The following MYO18B variants were observed in gnomAD, a reference collection of about 807,000 sequenced individuals.
MYO18B encodes the protein unconventional myosin-XVIIIb.
MYO18B carries 204 observed loss-of-function variants against 273.0 expected under a neutral mutation model. The observed-to-expected ratio is 0.75, with a 90% confidence interval of 0.67 to 0.84. MYO18B has a LOEUF of 0.84. Among genes scored for constraint, MYO18B ranks in the 40% least tolerant of loss-of-function variants. MYO18B has a pLI of 0.00. For missense variants in MYO18B, 3,212 were observed against 3,287.6 expected, an observed-to-expected ratio of 0.98 and a Z score of 0.56; for synonymous variants, 1,330 against 1,305.7, an observed-to-expected ratio of 1.02 and a Z score of -0.40.
intron 34 of MYO18B, among the ~76,000 whole-genome samples, chr22:25,934,150 T>A (rs1047544592): frequency 1.5e-4 from 23 of 152,260 alleles, no homozygotes; most frequent in African/African-American, 5.5e-4. Flanking sequence ...CTTATTTTTC[T>A]GTTGGGTTGT....
Position 25,997,978 on chromosome 22 carries a change from C to CGAGAGAGAGAGAGAGAGA in MYO18B, c.6288-5280_6288-5263dup, listed in dbSNP as rs5844669. Among the ~76,000 whole-genome samples the CGAGAGAGAGAGAGAGAGA allele has an allele frequency of 5.5e-3, 799 of 144,536 alleles. 5 individuals are homozygous for CGAGAGAGAGAGAGAGAGA. Among genetic ancestry groups the CGAGAGAGAGAGAGAGAGA allele is most frequent in the Non-Finnish European group, 8.1e-3 (534 of 66,334 alleles). 94.8% of individuals were successfully genotyped at this position (144,536 alleles called of 152,430 possible). ...ACACAAACACACACACACACACACA[C>CGAGAGAGAGAGAGAGAGA]GAGAGAGAGAGAGAGAGAGAGAGAT... On this transcript the variant is annotated intron_variant, in intron 40 of 43. Transcript: ENST00000335473.
the MYO18B span, among the ~76,000 whole-genome samples, chr22:26,050,595 G>A: frequency 2.0e-5 from 3 of 152,108 alleles, no homozygotes; most frequent in Admixed American, 6.5e-5. Flanking sequence ...GAATTTTCTC[G>A]ACAGGGCACG....
At chr22:25,935,517 G>T (rs180852338) in intron 34 of MYO18B, among the ~76,000 whole-genome samples, 2 of 152,218 alleles carry the variant, frequency 1.3e-5, no homozygotes, top group African/African-American at 4.8e-5. Flanking sequence ...CATTGGGTGA[G>T]GGGGAGGTGA....
intron 39 of MYO18B, among the ~76,000 whole-genome samples, chr22:25,983,990 C>T (rs1569263312): frequency 1.3e-5 from 2 of 152,328 alleles, no homozygotes; most frequent in South Asian, 2.1e-4. Flanking sequence ...TCTTAGACAT[C>T]ATTTTCTGAA....
In MYO18B at chr22:25,769,515, G is replaced by A. The variant is rs564057910; in HGVS notation, c.1512+87G>A. On this transcript the variant is annotated intron_variant, in intron 4 of 43. Transcript: ENST00000335473. ...ATGGGAAAGATCTGCCCCAGGGATG[G>A]ACAAGGGGTGGACGGGGGGTGGGCA... The A allele has an allele frequency of 3.3e-5, 41 of 1,245,812 alleles. No individual in the cohort carries two copies. The South Asian group carries it at 6.2e-4, about 19-fold the overall frequency. The allele number at this position is 1,245,812 out of a possible 1,614,324, so 77.2% of individuals were successfully genotyped here.
chr22:25,796,996 G>C (rs1206112756), intron 11 of MYO18B, among the ~76,000 whole-genome samples: 1 of 152,204 alleles, frequency 6.6e-6, no homozygotes, highest in African/African-American at 2.4e-5. Context: ...GGGAGGCTGA[G>C]GTGGGCAGAT....
At chr22:25,834,893 T>G (rs2089841764) in intron 16 of MYO18B, among the ~76,000 whole-genome samples, 1 of 152,242 alleles carries the variant, frequency 6.6e-6, no homozygotes, top group East Asian at 1.9e-4. Context: ...GAATTAATCC[T>G]TTCTCGTTTG....
At chr22:25,796,906 C>G (rs2087938072) in intron 11 of MYO18B, among the ~76,000 whole-genome samples, 2 of 152,188 alleles carry the variant, frequency 1.3e-5, no homozygotes, top group South Asian at 4.1e-4. Context: ...TTTATCTTCT[C>G]CCCATCTCTA....
At chr22:26,051,714 C>T in the MYO18B span, among the ~76,000 whole-genome samples, 4 of 152,224 alleles carry the variant, frequency 2.6e-5, no homozygotes, top group African/African-American at 9.6e-5. Flanking sequence ...CCAGTGATTT[C>T]TTGTTATCTT....
intron 25 of MYO18B, among the ~76,000 whole-genome samples, chr22:25,880,785 C>T (rs1207852524): frequency 6.6e-6 from 1 of 152,180 alleles, no homozygotes; most frequent in African/African-American, 2.4e-5. Context: ...AAGGAGGTGA[C>T]AGTGATGGAG....
At position 25,823,436 on chromosome 22, in the gene MYO18B, C is replaced by T. The variant is rs1489001932; in HGVS notation, c.2522-69C>T. ...GGAGGGTGCTGAGATTCTCCGAGGT[C>T]CTCTCGGGTGTTCATTCACCCCATG... On this transcript the variant is annotated intron_variant, in intron 12 of 43. Coordinates refer to ENST00000335473, the MANE Select transcript of MYO18B (RefSeq NM_032608.7). The T allele has an allele frequency of 8.6e-6, 13 of 1,503,480 alleles. No homozygotes were observed. The Middle Eastern group carries it at 5.3e-4, about 61-fold the overall frequency. 93.1% of individuals were successfully genotyped at this position (1,503,480 alleles called of 1,614,324 possible).
At chr22:26,042,491 A>G in the MYO18B span, among the ~76,000 whole-genome samples, 1 of 152,198 alleles carries the variant, frequency 6.6e-6, no homozygotes, top group Non-Finnish European at 1.5e-5. Context: ...GAATATTTAC[A>G]TCTTCTTTTC....
At chr22:25,901,255 A>G (rs2091928271) in intron 29 of MYO18B, 1 of 152,242 alleles carries the variant, frequency 6.6e-6, no homozygotes. Flanking sequence ...CTTTCTTGCC[A>G]CCAAAGGCCA....
chr22:25,830,336 A>G (rs938656783), intron 15 of MYO18B, among the ~76,000 whole-genome samples: 7 of 152,116 alleles, frequency 4.6e-5, no homozygotes, highest in African/African-American at 1.7e-4. Flanking sequence ...TGCCATAATA[A>G]TGCTGCGTAA....
intron 39 of MYO18B, among the ~76,000 whole-genome samples, chr22:25,963,644 C>CT (rs2092944764): frequency 6.6e-6 from 1 of 150,758 alleles, no homozygotes. Context: ...TTGGGGGACG[C>CT]TATTTAACCC....
In MYO18B at chr22:26,027,307, C is replaced by T. The variant is rs1423174261; in HGVS notation, c.7333C>T (p.Leu2445Phe). ...GACCAAAGTGGACTTCGATGACTTC[C>T]TCCCAGCTATCCGGAAGCCCCAGAC... The part of the protein sequence containing the change: ...RKTKVDFDDF[L>F]PAIRKPQTPT... The change falls in exon 43 of 44, where the codon CTC becomes TTC. Residue 2445 changes from leucine to phenylalanine, a missense_variant. By Grantham distance (22) the Leu-to-Phe change is conservative. Coordinates refer to ENST00000335473, the MANE Select transcript of MYO18B (RefSeq NM_032608.7). The surrounding 1 kb of genome is among the most constrained non-coding windows in gnomAD (Gnocchi z 4.1). 1.9e-6 allele frequency: 3 copies of T among 1,613,916 alleles called. No individual in the cohort carries two copies. Among genetic ancestry groups the T allele is most frequent in the Non-Finnish European group, 2.5e-6 (3 of 1,179,896 alleles).
chr22:25,990,721 GAAAAAGAAAA>G (rs2093260148), intron 39 of MYO18B, among the ~76,000 whole-genome samples: 1 of 26,996 alleles, frequency 3.7e-5, no homozygotes, highest in African/African-American at 3.0e-4. Flanking sequence ...AAAAAAAAAA[GAAAAAGAAAA>G]AAAAAAAGAC....
chr22:26,026,252 G>A (rs757551366), intron 42 of MYO18B, among the ~76,000 whole-genome samples, 193 bp from the exon 43 acceptor site: 4 of 152,252 alleles, frequency 2.6e-5, no homozygotes, highest in African/African-American at 4.8e-5. Flanking sequence ...AATTGCATTC[G>A]GAAAGCAACA....
At chr22:25,757,586 C>CAA (rs1047600673) in intron 1 of MYO18B, among the ~76,000 whole-genome samples, 7 of 137,738 alleles carry the variant, frequency 5.1e-5, no homozygotes, top group Admixed American at 4.3e-4. Flanking sequence ...GACTGCATAT[C>CAA]AAAAAAAAAA....
Sources: allele counts gnomAD v4.1 joint callset (sites outside exome capture counted in the v4.1 genomes callset), GRCh38; gene constraint gnomAD v4.1.1; non-coding constraint Gnocchi (gnomAD v3.1); transcripts MANE v1.5; gene names NCBI Gene and HGNC (gene_info 2026-07-23, HGNC 2026-07-21).